Variants in USH2A observed in about 807,000 individuals in gnomAD.
The protein encoded by USH2A is Usher syndrome 2A (autosomal recessive, mild).
In USH2A, 443 loss-of-function variants were observed where a neutral mutation model predicts 538.9. The ratio of observed to expected loss-of-function variants is 0.82; its 90% CI spans 0.76 to 0.89. The LOEUF (loss-of-function observed/expected upper bound fraction) is 0.89. Among genes scored for constraint, USH2A ranks in the 40% least tolerant of loss-of-function variants. USH2A has a pLI of 0.00. For missense variants in USH2A, 6,633 were observed against 6,324.8 expected (o/e 1.05, Z -1.65); for synonymous variants, 2,413 against 2,273.5 (o/e 1.06, Z -1.75).
intron 47 of USH2A, among the ~76,000 whole-genome samples, chr1:215,836,559 A>AT (rs1663535768): frequency 1.0e-4 from 2 of 19,256 alleles, no homozygotes; most frequent in African/African-American, 4.2e-4. Context: ...ATATATATAT[A>AT]TATATATTTT....
At chr1:215,991,167 C>T (rs1667995696) in intron 35 of USH2A, among the ~76,000 whole-genome samples, 2 of 152,092 alleles carry the variant, frequency 1.3e-5, no homozygotes, top group Non-Finnish European at 1.5e-5. Context: ...GACTCTAGGC[C>T]TATTTGACTC....
At chr1:216,193,903 TC>T (rs2034776083) in intron 19 of USH2A, 1 of 152,132 alleles carries the variant, frequency 6.6e-6, no homozygotes, top group African/African-American at 2.4e-5. Flanking sequence ...AGGTCTGACT[TC>T]CTAGCTTAAT....
chr1:216,283,108 A>G (rs1037877692), intron 11 of USH2A, among the ~76,000 whole-genome samples: 1 of 152,000 alleles, frequency 6.6e-6, no homozygotes, highest in Admixed American at 6.6e-5. Context: ...TTGTTGTTAG[A>G]TGTAGTCTCG....
intron 38 of USH2A, among the ~76,000 whole-genome samples, chr1:215,904,352 A>G (rs1056469899): frequency 2.0e-5 from 3 of 152,120 alleles, no homozygotes; most frequent in Non-Finnish European, 2.9e-5. Flanking sequence ...ATAACAAAAC[A>G]ATATGCTCCA....
intron 61 of USH2A, among the ~76,000 whole-genome samples, chr1:215,704,106 C>T (rs896177671): frequency 7.9e-5 from 12 of 152,310 alleles, no homozygotes; most frequent in East Asian, 1.9e-4. Flanking sequence ...GGTGAGGCGA[C>T]GCCCCACCCT....
rs781405897 is a variant in USH2A, at chr1:215,846,036, G to C, written c.8846-3C>G. 1.9e-6 allele frequency: 3 copies of C among 1,613,186 alleles called. No homozygotes were observed. The highest frequency in any genetic ancestry group is 1.1e-5 in the South Asian group (1 of 91,064). Reference sequence around the variant, plus strand: ...TTCACCTTGTAGGTCTTGAACAGCTGTCAACAATAAATGCAGGACATGGTG... The same window carrying C: ...TTCACCTTGTAGGTCTTGAACAGCTCTCAACAATAAATGCAGGACATGGTG... On this transcript the variant is annotated splice_region_variant and splice_polypyrimidine_tract_variant and intron_variant, in intron 44 of 71. Coordinates refer to ENST00000307340, the MANE Select transcript of USH2A (RefSeq NM_206933.4).
At chr1:215,713,347 G>A (rs1045605411) in intron 61 of USH2A, among the ~76,000 whole-genome samples, 6 of 152,148 alleles carry the variant, frequency 3.9e-5, no homozygotes, top group Non-Finnish European at 8.8e-5. Context: ...GAGTAAAAAA[G>A]CCAAAGCCAG....
rs1325244826 is a variant in USH2A, at chr1:216,422,293, T to C, written c.44A>G (p.Gln15Arg). ...GGCAAAGATCAACATTTCAATGACC[T>C]GAAACAAGAAGCCAGAGCCCAATGA... ...VLSLGSGFLF[Q>R]VIEMLIFAYF... is the part of the protein sequence containing the mutation. The change falls in exon 2 of 72, where the codon CAG becomes CGG. Residue 15 changes from glutamine (Q) to arginine (R), a missense_variant. Gln to Arg is a conservative substitution (Grantham distance 43). Transcript: ENST00000307340. The C allele has an allele frequency of 6.2e-7, 1 of 1,613,788 alleles. No homozygotes were observed. Among genetic ancestry groups the C allele is most frequent in the Admixed American group, 1.7e-5 (1 of 59,960 alleles).
intron 21 of USH2A, among the ~76,000 whole-genome samples, chr1:216,119,039 T>C (rs139251080): frequency 2.0e-5 from 3 of 152,358 alleles, no homozygotes; most frequent in Admixed American, 2.0e-4. Context: ...AAAAGCTGGT[T>C]GTTTCATCAC....
intron 3 of USH2A, among the ~76,000 whole-genome samples, chr1:216,370,446 G>T (rs943472694): frequency 6.6e-6 from 1 of 151,776 alleles, no homozygotes; most frequent in Non-Finnish European, 1.5e-5. Flanking sequence ...GAGGTAAGTG[G>T]ATCACGAGGT....
intron 18 of USH2A, among the ~76,000 whole-genome samples, chr1:216,197,539 T>C (rs1196270697): frequency 6.6e-6 from 1 of 152,172 alleles, no homozygotes; most frequent in Non-Finnish European, 1.5e-5. Flanking sequence ...ACAATGCGTA[T>C]TTTATTCATG....
chr1:215,700,121 G>A (rs7551461), intron 61 of USH2A, among the ~76,000 whole-genome samples: 27,176 of 152,044 alleles, frequency 0.18, 2,598 homozygotes, highest in Non-Finnish European at 0.21. Context: ...ATTGACTTAG[G>A]TATATTGAAC....
At chr1:216,005,980 C>G (rs1668381877) in intron 32 of USH2A, among the ~76,000 whole-genome samples, 1 of 152,016 alleles carries the variant, frequency 6.6e-6, no homozygotes. Flanking sequence ...ATGCCCCAAC[C>G]TAGTTAACGC....
At chr1:215,697,506 T>G (rs1323076318) in intron 61 of USH2A, among the ~76,000 whole-genome samples, 2 of 132,722 alleles carry the variant, frequency 1.5e-5, no homozygotes, top group African/African-American at 5.5e-5. Flanking sequence ...TACTTCTGCT[T>G]TTAAAAAATT....
intron 21 of USH2A, among the ~76,000 whole-genome samples, chr1:216,135,166 T>TCACACA (rs1428367157): frequency 6.1e-4 from 55 of 90,344 alleles, no homozygotes; most frequent in African/African-American, 3.1e-3. Flanking sequence ...TCTCTCTCTC[T>TCACACA]CACACACACA....
At chr1:215,801,685 T>A (rs1662338814) in intron 49 of USH2A, among the ~76,000 whole-genome samples, 1 of 152,126 alleles carries the variant, frequency 6.6e-6, no homozygotes, top group African/African-American at 2.4e-5. Flanking sequence ...TTAATGTTGT[T>A]AAGGTGCCAG....
At chr1:215,630,360 G>A in intron 70 of USH2A, 1 of 435,392 alleles carries the variant, frequency 2.3e-6, no homozygotes, top group Non-Finnish European at 4.6e-6. Context: ...ATTTAATACT[G>A]CTCTGATGTA....
In USH2A at chr1:215,674,896, C is replaced by G; in HGVS notation, c.13015G>C (p.Gly4339Arg). 3 of 1,614,194 alleles carry G rather than the reference C, an allele frequency of 1.9e-6. No homozygotes were observed. Among genetic ancestry groups the G allele is most frequent in the Non-Finnish European group, 2.5e-6 (3 of 1,180,044 alleles). ...YSYALQACTS[G>R]GCSTSKPTSI... The stretch of plus-strand genomic sequence containing the variant: ...GTGGGTTTGCTGGTGGAGCATCCTC[C>G]ACTCGTGCAGGCTTGGAGTGCATAG... The change falls in exon 63 of 72, where the codon GGA becomes CGA. Residue 4339 changes from glycine (G) to arginine (R), a missense_variant. Gly to Arg is a moderately radical substitution (Grantham distance 125). Coordinates refer to ENST00000307340, the MANE Select transcript of USH2A (RefSeq NM_206933.4).
intron 21 of USH2A, among the ~76,000 whole-genome samples, chr1:216,147,993 A>C (rs2033746668): frequency 7.8e-6 from 1 of 128,378 alleles, no homozygotes; most frequent in Non-Finnish European, 1.7e-5. Context: ...TCCTTCCCAG[A>C]TCTTCTCGGC....
Sources: allele counts gnomAD v4.1 joint callset (sites outside exome capture counted in the v4.1 genomes callset), GRCh38; gene constraint gnomAD v4.1.1; transcripts MANE v1.5; gene names NCBI Gene and HGNC (gene_info 2026-07-23, HGNC 2026-07-21).